Variants in POU2F1 observed in about 807,000 individuals in gnomAD.
POU2F1 encodes POU class 2 homeobox 1.
A neutral mutation model predicts 84.9 loss-of-function variants in POU2F1; 16 were observed. The observed-to-expected ratio is 0.19, with a 90% CI of 0.13 to 0.29. The LOEUF (loss-of-function observed/expected upper bound fraction) is 0.29. POU2F1 is among the 10% of genes least tolerant of loss of function. The pLI, the probability that POU2F1 is intolerant of heterozygous loss-of-function variation, is 1.00. For missense variants in POU2F1, 738 were observed against 942.6 expected, an observed-to-expected ratio of 0.78 and a Z score of 2.84; for synonymous variants, 368 against 368.3, an observed-to-expected ratio of 1.00 and a Z score of 0.01.
In POU2F1 at chr1:167,337,828, A is replaced by G. The variant is rs1452344433; in HGVS notation, c.127+5293A>G. The stretch of plus-strand genomic sequence containing the variant: ...ATGCCACAAAGGACATTGATTAGTA[A>G]GGAAAGACATGAAAGCACACCAAGA... On this transcript the variant is annotated intron_variant, in intron 2 of 15. Coordinates refer to ENST00000367866, the MANE Select transcript of POU2F1 (RefSeq NM_002697.4). 2.3e-5 allele frequency: 6 copies of G among 258,408 alleles called. No individual in the cohort carries two copies. In the East Asian group the frequency reaches 4.5e-4, roughly 19 times the overall value. 16.0% of individuals were successfully genotyped at this position (258,408 alleles called of 1,614,324 possible).
At chr1:167,281,115 T>A (rs266827) in intron 1 of POU2F1, among the ~76,000 whole-genome samples, 1 of 152,046 alleles carries the variant, frequency 6.6e-6, no homozygotes, top group East Asian at 1.9e-4. Context: ...TTTAAATGAA[T>A]AGATACAGTT....
rs370772629 is a variant in POU2F1, at chr1:167,284,594, TA to T, written c.62-47870del. On this transcript the variant is annotated intron_variant, in intron 1 of 15. Coordinates refer to ENST00000367866, the MANE Select transcript of POU2F1 (RefSeq NM_002697.4). ...CCATTGTGAATGGTCCAAGAAACTT[TA>T]AAAAATATAGATACTGGTATAACTA... Among the ~76,000 whole-genome samples the T allele has an allele frequency of 2.2e-4, 34 of 152,316 alleles. 1 individual carries two copies. In the East Asian group the frequency reaches 3.3e-3, roughly 15 times the overall value.
At chr1:167,323,830 C>G (rs577695616) in intron 1 of POU2F1, among the ~76,000 whole-genome samples, 1 of 152,070 alleles carries the variant, frequency 6.6e-6, no homozygotes, top group Non-Finnish European at 1.5e-5. Context: ...GTAGTTGGGA[C>G]TATAGGCGCA....
intron 1 of POU2F1, among the ~76,000 whole-genome samples, chr1:167,287,171 G>A (rs944965958): frequency 6.6e-6 from 1 of 152,160 alleles, no homozygotes; most frequent in Admixed American, 6.5e-5. Context: ...ACTGATGAAG[G>A]CTTGTCTTTC....
chr1:167,261,086 G>A (rs185631097), intron 1 of POU2F1, among the ~76,000 whole-genome samples: 1 of 151,972 alleles, frequency 6.6e-6, no homozygotes, highest in Non-Finnish European at 1.5e-5. Context: ...TAAATGTCTT[G>A]TCTGATTTGA....
chr1:167,408,477 A>G (rs1649740102), intron 13 of POU2F1, among the ~76,000 whole-genome samples: 1 of 152,154 alleles, frequency 6.6e-6, no homozygotes, highest in African/African-American at 2.4e-5. Context: ...CAACTGGTGA[A>G]TGAATAAACA....
rs954038984 is a variant in POU2F1, at chr1:167,334,407, G to A, written c.127+1872G>A. Among the ~76,000 whole-genome samples, 16 of 151,820 alleles carry A rather than the reference G, an allele frequency of 1.1e-4. No individual in the cohort carries two copies. In the South Asian group the frequency reaches 1.7e-3, roughly 16 times the overall value. ...AACTCTGTGGGCATTACCTGATTTCGAGTTAAGTTATTTTGACAAGTTAGA... is the reference window on the plus strand; with the variant it reads ...AACTCTGTGGGCATTACCTGATTTCAAGTTAAGTTATTTTGACAAGTTAGA... On this transcript the variant is annotated intron_variant, in intron 2 of 15. Transcript: ENST00000367866.
rs537784694 is a variant in POU2F1 at position 167,223,037 on chromosome 1, T to C, written c.61+2079T>C. Among the ~76,000 whole-genome samples, 6 of 152,322 alleles carry C rather than the reference T, an allele frequency of 3.9e-5. No homozygotes were observed. The East Asian group carries it at 9.6e-4, about 24-fold the overall frequency. ...ACAACAGTTTCATAATTTCTTGGTG[T>C]GGTGCTACCTTTCTGACATCTTCAT... On this transcript the variant is annotated intron_variant, in intron 1 of 15. Transcript: ENST00000367866.
intron 1 of POU2F1, among the ~76,000 whole-genome samples, chr1:167,307,576 A>G (rs991202044): frequency 1.3e-5 from 2 of 152,178 alleles, no homozygotes; most frequent in Non-Finnish European, 2.9e-5. Flanking sequence ...AAAAAATGAA[A>G]GAATAGTGCA....
chr1:167,328,583 A>G (rs574114023), intron 1 of POU2F1, among the ~76,000 whole-genome samples: 3 of 152,222 alleles, frequency 2.0e-5, no homozygotes, highest in African/African-American at 7.2e-5. Flanking sequence ...GGTTGTTTCT[A>G]ATTTGTACGT....
intron 2 of POU2F1, among the ~76,000 whole-genome samples, chr1:167,353,118 G>C (rs1557918115): frequency 6.6e-6 from 1 of 152,298 alleles, no homozygotes; most frequent in East Asian, 1.9e-4. Context: ...AAATCCAACT[G>C]TCTCTCAGCT....
chr1:167,300,505 G>A (rs1044380341), intron 1 of POU2F1, among the ~76,000 whole-genome samples: 3 of 152,002 alleles, frequency 2.0e-5, no homozygotes, highest in East Asian at 1.9e-4. Flanking sequence ...TTGCTCTGTC[G>A]CCAGGCCAGA....
At chr1:167,386,908 T>C (rs538421491) in intron 8 of POU2F1, among the ~76,000 whole-genome samples, 1 of 152,282 alleles carries the variant, frequency 6.6e-6, no homozygotes, top group East Asian at 1.9e-4. Context: ...AAGGGAACTT[T>C]TGGGAGTGAT....
At chr1:167,241,440 A>C (rs1287932488) in intron 1 of POU2F1, 2 of 152,168 alleles carry the variant, frequency 1.3e-5, no homozygotes, top group Non-Finnish European at 2.9e-5. Flanking sequence ...ATGCCAGCAA[A>C]ATGTTACTTC....
At chr1:167,310,722 A>T (rs570824344) in intron 1 of POU2F1, among the ~76,000 whole-genome samples, 5 of 152,314 alleles carry the variant, frequency 3.3e-5, no homozygotes, top group African/African-American at 1.2e-4. Flanking sequence ...TGTCATAAAA[A>T]TGCTTCAGTG....
intron 1 of POU2F1, among the ~76,000 whole-genome samples, chr1:167,222,046 G>T (rs891556572): frequency 1.3e-5 from 2 of 151,950 alleles, no homozygotes; most frequent in Non-Finnish European, 2.9e-5. Flanking sequence ...CACCCCCTGC[G>T]CCTGACCGGG....
chr1:167,252,459 A>T (rs1349112384), intron 1 of POU2F1, among the ~76,000 whole-genome samples: 1 of 152,084 alleles, frequency 6.6e-6, no homozygotes, highest in Non-Finnish European at 1.5e-5. Flanking sequence ...TATTTGAAAT[A>T]TTTTAAAGTG....
intron 2 of POU2F1, among the ~76,000 whole-genome samples, chr1:167,333,890 G>A (rs1014361219): frequency 6.6e-6 from 1 of 152,144 alleles, no homozygotes; most frequent in East Asian, 1.9e-4. Flanking sequence ...GCTTAGGTGT[G>A]GGAAATGTTT....
intron 1 of POU2F1, among the ~76,000 whole-genome samples, chr1:167,235,401 A>G (rs1279567898): frequency 1.3e-5 from 2 of 152,242 alleles, no homozygotes; most frequent in African/African-American, 2.4e-5. Flanking sequence ...CAACATCACA[A>G]TAGTCTGAGA....
Sources: allele counts gnomAD v4.1 joint callset (sites outside exome capture counted in the v4.1 genomes callset), GRCh38; gene constraint gnomAD v4.1.1; transcripts MANE v1.5; gene names NCBI Gene and HGNC (gene_info 2026-07-23, HGNC 2026-07-21).